Variants in STK32B observed in about 807,000 individuals in gnomAD.
STK32B encodes serine/threonine-protein kinase 32B.
Under a neutral mutation model 52.6 loss-of-function variants are expected in STK32B, and 43 were observed. The ratio of observed to expected loss-of-function variants is 0.82; its 90% CI spans 0.64 to 1.05. The LOEUF (loss-of-function observed/expected upper bound fraction) is 1.05, where lower values mean the gene tolerates loss of function less well. Ranked by LOEUF, STK32B falls within the 50% of genes least tolerant of loss-of-function variation. STK32B has a pLI of 0.00. For missense variants in STK32B, 621 were observed against 534.6 expected (o/e 1.16, Z -1.59); for synonymous variants, 238 against 204.3 (o/e 1.17, Z -1.41).
At chr4:5,437,523 C>T (rs772908591) in intron 6 of STK32B, among the ~76,000 whole-genome samples, 2 of 152,160 alleles carry the variant, frequency 1.3e-5, no homozygotes, top group Non-Finnish European at 2.9e-5. Context: ...AATCTAAATC[C>T]AGGATGATTT....
At chr4:5,304,287 AT>A (rs1219014555) in intron 3 of STK32B, among the ~76,000 whole-genome samples, 7 of 152,128 alleles carry the variant, frequency 4.6e-5, no homozygotes, top group African/African-American at 1.7e-4. Flanking sequence ...CGTTTTCACA[AT>A]GTTGATTATA....
chr4:5,306,340 T>A (rs1319500978), intron 3 of STK32B, among the ~76,000 whole-genome samples: 1 of 152,150 alleles, frequency 6.6e-6, no homozygotes, highest in East Asian at 1.9e-4. Flanking sequence ...GCTGTCTGTA[T>A]CATTTCTTAG....
chr4:5,498,789 G>A lies in STK32B; in HGVS notation c.1107-156G>A, dbSNP rs77316910. On this transcript the variant is annotated intron_variant, in intron 11 of 11. Coordinates refer to ENST00000282908, the MANE Select transcript of STK32B (RefSeq NM_018401.3). ...GATCCGAGGCCCATCTGGCTACAGTGCACAGCACCGTGGATGCCTTAATGA... is the reference window on the plus strand; with the variant it reads ...GATCCGAGGCCCATCTGGCTACAGTACACAGCACCGTGGATGCCTTAATGA... Among the ~76,000 whole-genome samples, 1,167 of 152,302 alleles carry A rather than the reference G, an allele frequency of 7.7e-3. 16 individuals carry two copies. The highest frequency in any genetic ancestry group is 0.027 in the African/African-American group (1,107 of 41,560).
At chr4:5,448,421 C>G (rs994415488) in intron 7 of STK32B, among the ~76,000 whole-genome samples, 3 of 152,132 alleles carry the variant, frequency 2.0e-5, no homozygotes, top group African/African-American at 7.2e-5. Context: ...CCAGAACACA[C>G]CGGCATCCGC....
chr4:5,476,318 G>A (rs566439963), intron 11 of STK32B, among the ~76,000 whole-genome samples: 1 of 152,278 alleles, frequency 6.6e-6, no homozygotes, highest in South Asian at 2.1e-4. Flanking sequence ...GGATTCTCAA[G>A]CCCATTTTCT....
chr4:5,259,073 T>G (rs1302315429), intron 3 of STK32B, among the ~76,000 whole-genome samples: 1 of 152,174 alleles, frequency 6.6e-6, no homozygotes, highest in Non-Finnish European at 1.5e-5. Flanking sequence ...CCCTTTCTCC[T>G]CCAGTCTTTA....
intron 3 of STK32B, among the ~76,000 whole-genome samples, chr4:5,272,685 C>T (rs558697161): frequency 4.6e-5 from 7 of 151,806 alleles, no homozygotes; most frequent in Admixed American, 2.6e-4. Flanking sequence ...GAAATAACGC[C>T]GCCTACCTAC....
At chr4:5,435,016 C>T (rs1713932513) in intron 6 of STK32B, among the ~76,000 whole-genome samples, 1 of 152,148 alleles carries the variant, frequency 6.6e-6, no homozygotes, top group South Asian at 2.1e-4. Context: ...TCTCTGTGGG[C>T]CTCAGCTTCT....
the STK32B span, among the ~76,000 whole-genome samples, chr4:5,040,870 A>C: frequency 6.6e-6 from 1 of 152,204 alleles, no homozygotes; most frequent in Non-Finnish European, 1.5e-5. Context: ...CCTAGGCTAC[A>C]AACCTGTGCA....
intron 3 of STK32B, among the ~76,000 whole-genome samples, chr4:5,182,138 C>G (rs1025296065): frequency 6.6e-6 from 1 of 152,190 alleles, no homozygotes; most frequent in Non-Finnish European, 1.5e-5. Flanking sequence ...CTCACCTGTT[C>G]AAGTGTGGTC....
At chr4:5,482,460 G>C (rs148882436) in intron 11 of STK32B, among the ~76,000 whole-genome samples, 2,721 of 152,228 alleles carry the variant, frequency 0.018, 80 homozygotes, top group African/African-American at 0.062. Flanking sequence ...TGCTGAAGTT[G>C]CTTATCAGCT....
At chr4:5,054,977 G>T (rs529291101) in intron 1 of STK32B, among the ~76,000 whole-genome samples, 1 of 152,132 alleles carries the variant, frequency 6.6e-6, no homozygotes, top group Non-Finnish European at 1.5e-5. Flanking sequence ...TTTTTTCCAA[G>T]TGTTGCATAA....
At chr4:5,496,600 C>T (rs1037987833) in intron 11 of STK32B, among the ~76,000 whole-genome samples, 2 of 151,176 alleles carry the variant, frequency 1.3e-5, no homozygotes, top group African/African-American at 4.9e-5. Context: ...TGAGATGAAC[C>T]CGGTACCTCA....
intron 1 of STK32B, among the ~76,000 whole-genome samples, chr4:5,062,594 C>T (rs532036308): frequency 3.7e-4 from 56 of 152,242 alleles, no homozygotes; most frequent in South Asian, 1.2e-3. Flanking sequence ...TTGCAAGCTC[C>T]GCCTCCCAGG....
intron 3 of STK32B, among the ~76,000 whole-genome samples, chr4:5,209,856 A>G (rs1266801953): frequency 6.6e-6 from 1 of 152,194 alleles, no homozygotes; most frequent in Non-Finnish European, 1.5e-5. Flanking sequence ...TCGAAAAAAA[A>G]CAGAATCAGG....
intron 4 of STK32B, among the ~76,000 whole-genome samples, chr4:5,354,972 GCAGA>G (rs966615644): frequency 6.6e-5 from 10 of 152,258 alleles, no homozygotes; most frequent in African/African-American, 2.4e-4. Flanking sequence ...GCCAAGAAAT[GCAGA>G]CACCTCTAGA....
chr4:5,046,701 A>G (rs1741623357), upstream of STK32B, among the ~76,000 whole-genome samples: 1 of 152,260 alleles, frequency 6.6e-6, no homozygotes, highest in African/African-American at 2.4e-5. Context: ...ACTTCTCAAA[A>G]GAAGACATTT....
At chr4:5,201,683 C>G (rs551071904) in intron 3 of STK32B, among the ~76,000 whole-genome samples, 1 of 152,146 alleles carries the variant, frequency 6.6e-6, no homozygotes, top group African/African-American at 2.4e-5. Flanking sequence ...AGGAAACTTA[C>G]AATCGTGGCA....
intron 6 of STK32B, among the ~76,000 whole-genome samples, chr4:5,431,693 C>T (rs559361557): frequency 6.6e-5 from 10 of 152,248 alleles, no homozygotes; most frequent in East Asian, 5.8e-4. Flanking sequence ...AACAGCTGAG[C>T]GGTTTCTTGC....
Sources: gnomAD v4.1 joint callset for allele counts (sites outside exome capture counted in the v4.1 genomes callset) on GRCh38, gnomAD v4.1.1 for gene constraint, MANE v1.5 for transcripts, NCBI Gene and HGNC (gene_info 2026-07-23, HGNC 2026-07-21) for gene names.